ESR1: variants seen among roughly 807,000 people sequenced by gnomAD.
ESR1 encodes estrogen receptor 1, also known as estrogen receptor.
Under a neutral mutation model 52.7 loss-of-function variants are expected in ESR1, and 12 were observed. The observed-to-expected ratio is 0.23, with a 90% CI of 0.15 to 0.37. ESR1 has a LOEUF of 0.37. Among genes scored for constraint, ESR1 ranks in the 10% least tolerant of loss-of-function variants. ESR1 has a pLI of 1.00. For synonymous variants in ESR1, 305 were observed against 316.8 expected (o/e 0.96, Z 0.39); for missense variants, 584 against 779.7 (o/e 0.75, Z 2.99).
chr6:151,966,145 A>G (rs569013742), intron 4 of ESR1, among the ~76,000 whole-genome samples: 1 of 152,186 alleles, frequency 6.6e-6, no homozygotes, highest in Non-Finnish European at 1.5e-5. Flanking sequence ...ATTTGCTAAT[A>G]GTTTGACAGA....
intron 3 of ESR1, among the ~76,000 whole-genome samples, chr6:151,926,800 A>G (rs2032822903): frequency 6.6e-6 from 1 of 152,216 alleles, no homozygotes; most frequent in Non-Finnish European, 1.5e-5. Flanking sequence ...CTGTGAATAA[A>G]GATGTTTTAT....
chr6:152,004,737 A>G (rs1259319168), intron 4 of ESR1, among the ~76,000 whole-genome samples: 1 of 152,030 alleles, frequency 6.6e-6, no homozygotes, highest in African/African-American at 2.4e-5. Flanking sequence ...TCTTCATTAC[A>G]TTACATAAAG....
chr6:151,895,189 C>T (rs1183688137), intron 3 of ESR1, among the ~76,000 whole-genome samples: 1 of 143,878 alleles, frequency 7.0e-6, no homozygotes, highest in East Asian at 2.1e-4. Context: ...ATTTGATTCT[C>T]ACCTTGGTTG....
In ESR1 at chr6:151,944,156, TC is replaced by T; in HGVS notation, c.761-15del. The T allele has an allele frequency of 6.2e-7, 1 of 1,608,720 alleles. No homozygotes were observed. The highest frequency in any genetic ancestry group is 1.3e-5 in the African/African-American group (1 of 74,808). On this transcript the variant is annotated splice_polypyrimidine_tract_variant and intron_variant, in intron 3 of 7. Transcript: ENST00000206249. ...GGAAAAAAATAAACTAATTTTTTTT[TC>T]CACCTGTGTTTTCAGGGATACGAAA...
At chr6:151,769,147 G>T (rs766357296) in intron 2 of ESR1, among the ~76,000 whole-genome samples, 1 of 152,086 alleles carries the variant, frequency 6.6e-6, no homozygotes, top group Admixed American at 6.6e-5. Flanking sequence ...ATTGTCAGTC[G>T]TTTCACCAAG....
At chr6:152,093,017 G>A (rs1454678074) in intron 6 of ESR1, among the ~76,000 whole-genome samples, 4 of 152,058 alleles carry the variant, frequency 2.6e-5, no homozygotes, top group Admixed American at 6.6e-5. Context: ...GGTGGCTCAC[G>A]CCTATCATCC....
At chr6:151,906,094 G>GTTT (rs1562533766) in intron 3 of ESR1, among the ~76,000 whole-genome samples, 2 of 152,092 alleles carry the variant, frequency 1.3e-5, no homozygotes, top group Non-Finnish European at 2.9e-5. Context: ...ATGCTGGACA[G>GTTT]TAAAATAAAC....
intron 4 of ESR1, among the ~76,000 whole-genome samples, chr6:151,993,600 T>A (rs894445020): frequency 6.6e-6 from 1 of 152,194 alleles, no homozygotes; most frequent in Non-Finnish European, 1.5e-5. Flanking sequence ...CTTCTCAAGT[T>A]CTCTGGCTTT....
chr6:151,982,826 G>A (rs1206741614), intron 4 of ESR1, among the ~76,000 whole-genome samples: 1 of 151,954 alleles, frequency 6.6e-6, no homozygotes, highest in East Asian at 1.9e-4. Flanking sequence ...TGCATTCTTT[G>A]TTTTGTACCA....
intron 3 of ESR1, among the ~76,000 whole-genome samples, chr6:151,906,573 C>G (rs1019403446): frequency 1.3e-5 from 2 of 151,354 alleles, no homozygotes; most frequent in Admixed American, 6.6e-5. Flanking sequence ...TTTCCAAATA[C>G]TATAGCAACA....
Position 152,098,178 on chromosome 6 carries a change from T to C in ESR1, c.1554-554T>C, listed in dbSNP as rs539258512. Reference sequence around the variant, plus strand: ...ATTAGGGGAGAGAGGCAGGAAGAGCTTGGAGACATGGATGGAAGCTGGACC... The same window carrying C: ...ATTAGGGGAGAGAGGCAGGAAGAGCCTGGAGACATGGATGGAAGCTGGACC... On this transcript the variant is annotated intron_variant, in intron 7 of 7. Transcript: ENST00000206249. This position sits in a 1 kb window ranked among gnomAD's most constrained non-coding sequence, Gnocchi z 5.1. Among the ~76,000 whole-genome samples, 4 of 152,122 alleles carry C rather than the reference T, an allele frequency of 2.6e-5. No homozygotes were observed. The highest frequency in any genetic ancestry group is 9.6e-5 in the African/African-American group (4 of 41,512).
intron 1 of ESR1, among the ~76,000 whole-genome samples, chr6:151,658,900 A>G (rs1037922272): frequency 6.6e-6 from 1 of 152,342 alleles, no homozygotes; most frequent in Non-Finnish European, 1.5e-5. Context: ...TTTAAATATC[A>G]TATTGCATGT....
At chr6:151,947,769 A>C (rs2035873560) in intron 4 of ESR1, among the ~76,000 whole-genome samples, 2 of 152,354 alleles carry the variant, frequency 1.3e-5, no homozygotes, top group African/African-American at 2.4e-5. Context: ...GACCTGGATA[A>C]AGATGACCTT....
chr6:151,832,746 C>G (rs1782646900), intron 1 of ESR1, among the ~76,000 whole-genome samples: 1 of 152,146 alleles, frequency 6.6e-6, no homozygotes, highest in Admixed American at 6.6e-5. Flanking sequence ...CTTTATGTGT[C>G]TCTGTGTGTG....
chr6:151,956,823 A>C (rs55837286), intron 4 of ESR1, among the ~76,000 whole-genome samples: 1 of 53,026 alleles, frequency 1.9e-5, no homozygotes, highest in South Asian at 4.3e-4. Context: ...TATATATAAA[A>C]ATATATATAA....
At position 151,954,337 on chromosome 6, in the gene ESR1, A is replaced by T. The variant is rs141034958; in HGVS notation, c.1096+9829A>T. Reference sequence around the variant, plus strand: ...AATTCACCATGATTTAGTTTTAAAAACAAGTGGCCTTGTCCTTTTAGTCTA... The same window carrying T: ...AATTCACCATGATTTAGTTTTAAAATCAAGTGGCCTTGTCCTTTTAGTCTA... On this transcript the variant is annotated intron_variant, in intron 4 of 7. Coordinates refer to ENST00000206249, the MANE Select transcript of ESR1 (RefSeq NM_000125.4). Among the ~76,000 whole-genome samples, 536 of 152,338 alleles carry T rather than the reference A, an allele frequency of 3.5e-3. 1 individual carries two copies. The highest frequency in any genetic ancestry group is 5.8e-3 in the South Asian group (28 of 4,816).
At chr6:151,888,465 A>C (rs1343929921) in intron 3 of ESR1, among the ~76,000 whole-genome samples, 1 of 151,820 alleles carries the variant, frequency 6.6e-6, no homozygotes, top group Non-Finnish European at 1.5e-5. Flanking sequence ...CTTTTTTTGG[A>C]TAGTTTGCTG....
chr6:152,001,019 G>C (rs2041902910), intron 4 of ESR1, among the ~76,000 whole-genome samples: 1 of 151,940 alleles, frequency 6.6e-6, no homozygotes, highest in South Asian at 2.1e-4. Context: ...AATCCTTAGG[G>C]AGCCAACATT....
chr6:152,086,049 GA>G (rs1033662009), intron 6 of ESR1, among the ~76,000 whole-genome samples: 2 of 152,136 alleles, frequency 1.3e-5, no homozygotes, highest in Non-Finnish European at 2.9e-5. Flanking sequence ...CCTTTTCTAG[GA>G]AAAAAGGAAA....
Sources: allele counts gnomAD v4.1 joint callset (sites outside exome capture counted in the v4.1 genomes callset), GRCh38; gene constraint gnomAD v4.1.1; non-coding constraint Gnocchi (gnomAD v3.1); transcripts MANE v1.5; gene names NCBI Gene and HGNC (gene_info 2026-07-23, HGNC 2026-07-21).